The following PMPCB variants were observed in gnomAD, a reference collection of about 807,000 sequenced individuals.
The protein encoded by PMPCB is mitochondrial-processing peptidase subunit beta.
Under a neutral mutation model 61.5 loss-of-function variants are expected in PMPCB, and 46 were observed. That is an observed-to-expected ratio of 0.75 (90% CI 0.59 to 0.96). PMPCB has a LOEUF of 0.96. PMPCB is among the 40% of genes least tolerant of loss of function. The probability of loss-of-function intolerance (pLI) is 0.00; values close to 1 mark genes in which losing one functional copy is unlikely to be tolerated. For synonymous variants in PMPCB, 191 were observed against 201.6 expected (o/e 0.95, Z 0.44); for missense variants, 590 against 602.4 (o/e 0.98, Z 0.22).
intron 4 of PMPCB, among the ~76,000 whole-genome samples, chr7:103,302,833 A>G (rs1052960897): frequency 6.6e-6 from 1 of 152,160 alleles, no homozygotes; most frequent in Admixed American, 6.5e-5. Context: ...TGAGCCCAGG[A>G]ATTTTGAGTC....
At position 103,312,465 on chromosome 7, in the gene PMPCB, G is replaced by T; in HGVS notation, c.*194G>T. The T allele has an allele frequency of 6.5e-7, 1 of 1,538,312 alleles. No homozygotes were observed. Among genetic ancestry groups the T allele is most frequent in the Non-Finnish European group, 8.7e-7 (1 of 1,149,748 alleles). On this transcript the variant is annotated 3_prime_UTR_variant, in exon 13 of 13. Coordinates refer to ENST00000249269, the MANE Select transcript of PMPCB (RefSeq NM_004279.3). ...CTTTGTTCTCTGAGAAATTATGTTG[G>T]AAGCAGCATACTTTCAAATTATTAC... is the stretch of plus-strand genomic sequence containing the variant.
In PMPCB at chr7:103,311,849, T is replaced by G. The variant is rs1817765922; in HGVS notation, c.1282T>G (p.Cys428Gly). Residue 428 changes from cysteine (C) to glycine (G), a missense_variant, in exon 11 of 13, where the codon TGC becomes GGC. By Grantham distance (159) the Cys-to-Gly change is radical. Transcript: ENST00000249269. ...ICEDIGRQML[C>G]YNRRIPIPEL... ...TGAAGATATTGGTAGGCAAATGTTA[T>G]GCTATAATAGAAGGATTCCCATCCC... The G allele has an allele frequency of 1.2e-6, 2 of 1,613,442 alleles. No individual in the cohort carries two copies. Among genetic ancestry groups the G allele is most frequent in the Non-Finnish European group, 1.7e-6 (2 of 1,179,524 alleles).
chr7:103,324,365 G>A, intron 12 of PMPCB: 1 of 881,720 alleles, frequency 1.1e-6, no homozygotes, highest in Admixed American at 4.2e-5. Flanking sequence ...GAGTGCTTTT[G>A]TTCAGTGAAG....
chr7:103,319,930 G>C (rs552780373), intron 12 of PMPCB: 3 of 1,431,664 alleles, frequency 2.1e-6, no homozygotes, highest in Non-Finnish European at 2.9e-6. Flanking sequence ...AGCTACTCGG[G>C]AGGCTGAGGC....
chr7:103,344,817 C>G, the PMPCB span: 3 of 612,566 alleles, frequency 4.9e-6, no homozygotes, highest in South Asian at 5.7e-5. Flanking sequence ...GTCTCACACC[C>G]TCCCACCCCC....
At chr7:103,319,532 T>C, downstream of PMPCB, 1 of 1,333,096 alleles carries the variant, frequency 7.5e-7, no homozygotes, top group Non-Finnish European at 1.1e-6. Context: ...CTTGGTGACT[T>C]ATATATTAGG....
At chr7:103,317,807 T>C (rs1004249829), downstream of PMPCB, among the ~76,000 whole-genome samples, 8 of 150,996 alleles carry the variant, frequency 5.3e-5, no homozygotes, top group African/African-American at 2.0e-4. Context: ...CCTGCCACCA[T>C]GCCCAGCTAA....
At chr7:103,334,454 T>A (rs570935882), downstream of PMPCB, among the ~76,000 whole-genome samples, 38 of 151,804 alleles carry the variant, frequency 2.5e-4, no homozygotes, top group South Asian at 5.8e-3. Flanking sequence ...TCCCAGCTAC[T>A]TAGGAGGCTG....
chr7:103,314,406 A>G lies in PMPCB; in HGVS notation c.*2135A>G. 1.0e-6 allele frequency: 1 copy of G among 985,432 alleles called. No individual in the cohort carries two copies. Among genetic ancestry groups the G allele is most frequent in the South Asian group, 4.7e-5 (1 of 21,288 alleles). The allele number at this position is 985,432 out of a possible 1,614,324, so 61.0% of individuals were successfully genotyped here. On this transcript the variant is annotated 3_prime_UTR_variant, in exon 13 of 13. Coordinates refer to ENST00000249269, the MANE Select transcript of PMPCB (RefSeq NM_004279.3). Reference sequence around the variant, plus strand: ...CCCATTTCCATAAAAGAGGCAAAGGAGTCATACCCACATAGCACTACTGCC... The same window carrying G: ...CCCATTTCCATAAAAGAGGCAAAGGGGTCATACCCACATAGCACTACTGCC...
At chr7:103,324,456 A>G (rs1222379083) in intron 12 of PMPCB, 1 of 1,447,000 alleles carries the variant, frequency 6.9e-7, no homozygotes, top group Non-Finnish European at 9.3e-7. Flanking sequence ...AAATGACAGC[A>G]TCATACAAAC....
chr7:103,297,680 G>A, intron 1 of PMPCB, 122 bp downstream of exon 1: 2 of 1,540,226 alleles, frequency 1.3e-6, no homozygotes, highest in South Asian at 1.2e-5. Context: ...ACCCGGACCC[G>A]CCGGGCGCCA....
downstream of PMPCB, among the ~76,000 whole-genome samples, chr7:103,331,404 A>G (rs1411813163): frequency 6.6e-6 from 1 of 152,208 alleles, no homozygotes; most frequent in African/African-American, 2.4e-5. Flanking sequence ...AATATACAAT[A>G]CATCATTGTT....
intron 4 of PMPCB, among the ~76,000 whole-genome samples, chr7:103,301,620 CAG>C (rs997520088): frequency 1.4e-4 from 22 of 152,228 alleles, no homozygotes; most frequent in African/African-American, 3.6e-4. Context: ...AGTGGAAAAA[CAG>C]GGGCTTTCCC....
chr7:103,326,438 T>TA, intron 12 of PMPCB: 1 of 1,162,590 alleles, frequency 8.6e-7, no homozygotes, highest in Non-Finnish European at 1.3e-6. Context: ...ACAGTGGAAA[T>TA]AATCTATAAA....
At chr7:103,320,830 CTTTTTTTT>C (rs745754898) in intron 12 of PMPCB, 9 of 113,792 alleles carry the variant, frequency 7.9e-5, no homozygotes, top group South Asian at 2.6e-4. Context: ...CTCAGCATGT[CTTTTTTTT>C]TTTTTTTTTT....
Position 103,313,317 on chromosome 7 carries a change from T to G in PMPCB, c.*1046T>G, listed in dbSNP as rs1817863264. On this transcript the variant is annotated 3_prime_UTR_variant, in exon 13 of 13. Coordinates refer to ENST00000249269, the MANE Select transcript of PMPCB (RefSeq NM_004279.3). ...TCCCAGAAAATAAAATCTCAAAGGC[T>G]TTTAAAACACAATAGTAAAGATCTA... 7.7e-7 allele frequency: 1 copy of G among 1,302,618 alleles called. No homozygotes were observed. Among genetic ancestry groups the G allele is most frequent in the Non-Finnish European group, 9.7e-7 (1 of 1,028,730 alleles). 80.7% of individuals were successfully genotyped at this position (1,302,618 alleles called of 1,614,324 possible).
rs1450523191 is a variant in PMPCB, at chr7:103,313,744, A to ATAT, written c.*1475_*1477dup. On this transcript the variant is annotated 3_prime_UTR_variant, in exon 13 of 13. Transcript: ENST00000249269. ...TTGTGGTTCTTCAACTAAACCTTGT[A>ATAT]TATTTCAGAAAACATCTAAGATGTG... 4.1e-5 allele frequency: 40 copies of ATAT among 985,266 alleles called. No homozygotes were observed. In the East Asian group the frequency reaches 3.2e-3, roughly 78 times the overall value. 61.0% of individuals were successfully genotyped at this position (985,266 alleles called of 1,614,324 possible).
At chr7:103,323,720 T>C (rs1818548555) in intron 12 of PMPCB, 2 of 1,241,496 alleles carry the variant, frequency 1.6e-6, no homozygotes, top group Non-Finnish European at 2.2e-6. Flanking sequence ...AAAAATTCTT[T>C]TTAATGCAAG....
the PMPCB span, chr7:103,344,422 G>A: frequency 1.1e-6 from 1 of 889,516 alleles, no homozygotes; most frequent in Non-Finnish European, 1.8e-6. Context: ...GGAGCAAAAA[G>A]GCACTCGTCA....
Sources: gnomAD v4.1 joint callset for allele counts (sites outside exome capture counted in the v4.1 genomes callset) on GRCh38, gnomAD v4.1.1 for gene constraint, MANE v1.5 for transcripts, NCBI Gene and HGNC (gene_info 2026-07-23, HGNC 2026-07-21) for gene names.